ME1: variants seen among roughly 807,000 people sequenced by gnomAD.
ME1 encodes NADP-dependent malic enzyme.
A neutral mutation model predicts 66.4 loss-of-function variants in ME1; 74 were observed. That is an observed-to-expected ratio of 1.11 (90% CI 0.92 to 1.35). The LOEUF (loss-of-function observed/expected upper bound fraction) is 1.35, where lower values mean the gene tolerates loss of function less well. Among genes scored for constraint, ME1 ranks in the 40% most tolerant of loss-of-function variants. The pLI is 0.00. For synonymous variants in ME1, 251 were observed against 235.6 expected (o/e 1.07, Z -0.60); for missense variants, 750 against 694.1 (o/e 1.08, Z -0.90).
chr6:83,415,288 C>T (rs966651552), intron 1 of ME1, among the ~76,000 whole-genome samples: 7 of 152,122 alleles, frequency 4.6e-5, no homozygotes, highest in Non-Finnish European at 1.0e-4. Flanking sequence ...AATTTACACA[C>T]GAAGTTGCAA....
At chr6:83,406,836 A>G (rs10806258) in intron 2 of ME1, among the ~76,000 whole-genome samples, 71,006 of 151,962 alleles carry the variant, frequency 0.47, 18,432 homozygotes, top group African/African-American at 0.69. Context: ...TTTTGCCAGC[A>G]CACTGCCTTT....
intron 6 of ME1, among the ~76,000 whole-genome samples, chr6:83,300,610 CT>C (rs35205380): frequency 0.023 from 1,993 of 84,924 alleles, 13 homozygotes; most frequent in African/African-American, 0.071. Flanking sequence ...TTCTTTCTTT[CT>C]TTTTTTTTTT....
Position 83,234,965 on chromosome 6 carries a change from T to C in ME1, c.1026+2752A>G, listed in dbSNP as rs111701835. Reference sequence around the variant, plus strand: ...TTGTTGTCAGGCATGTACTACACACTGTATAGAACTTTGAAGATCTAAAGA... The same window carrying C: ...TTGTTGTCAGGCATGTACTACACACCGTATAGAACTTTGAAGATCTAAAGA... On this transcript the variant is annotated intron_variant, in intron 9 of 13. Transcript: ENST00000369705. 8.9e-3 allele frequency among the ~76,000 whole-genome samples: 1,360 copies of C among 152,352 alleles called. 28 individuals carry two copies. Among genetic ancestry groups the C allele is most frequent in the African/African-American group, 0.031 (1,285 of 41,568 alleles).
In ME1 at chr6:83,365,700, T is replaced by C. The variant is rs539002102; in HGVS notation, c.363-13561A>G. ...GATTCTTCACAAGAGCTACTTCATA[T>C]TTCCCCTGTCCCTCACTCCCACCCC... On this transcript the variant is annotated intron_variant, in intron 3 of 13. Transcript: ENST00000369705. Among the ~76,000 whole-genome samples, 8 of 152,278 alleles carry C rather than the reference T, an allele frequency of 5.3e-5. No individual in the cohort carries two copies. The South Asian group carries it at 1.7e-3, about 32-fold the overall frequency.
At chr6:83,260,720 T>G (rs1297393653) in intron 6 of ME1, among the ~76,000 whole-genome samples, 1 of 152,208 alleles carries the variant, frequency 6.6e-6, no homozygotes, top group African/African-American at 2.4e-5. Flanking sequence ...GTTCTTGCAT[T>G]AGTTTGCTAG....
At chr6:83,267,823 T>C (rs1767014167) in intron 6 of ME1, among the ~76,000 whole-genome samples, 1 of 152,210 alleles carries the variant, frequency 6.6e-6, no homozygotes. Flanking sequence ...GTATATGTGA[T>C]ATCCATTGAC....
intron 12 of ME1, 117 bp from the exon 13 acceptor site, chr6:83,216,713 T>A: frequency 1.7e-6 from 1 of 603,360 alleles, no homozygotes; most frequent in Non-Finnish European, 2.8e-6. Flanking sequence ...CCAGTGACAT[T>A]AATATGATTA....
At chr6:83,406,460 G>C (rs1318270564) in intron 2 of ME1, among the ~76,000 whole-genome samples, 8 of 152,134 alleles carry the variant, frequency 5.3e-5, no homozygotes, top group Admixed American at 3.3e-4. Context: ...ATCTGATCCT[G>C]GGTTTTTTTC....
At chr6:83,216,626 T>G in intron 12 of ME1, 30 bp from the exon 13 acceptor site, 1 of 1,462,408 alleles carries the variant, frequency 6.8e-7, no homozygotes, top group Non-Finnish European at 9.4e-7. Context: ...AAAAAAGTGT[T>G]TATACTTCAC....
At chr6:83,217,481 G>A (rs1790015199) in intron 12 of ME1, among the ~76,000 whole-genome samples, 1 of 152,094 alleles carries the variant, frequency 6.6e-6, no homozygotes, top group Admixed American at 6.6e-5. Flanking sequence ...CACTGAACAA[G>A]CATAACACTA....
chr6:83,430,007 T>G (rs1770452821), intron 1 of ME1, among the ~76,000 whole-genome samples: 1 of 151,954 alleles, frequency 6.6e-6, no homozygotes. Context: ...AATTCGGAGG[T>G]ATTTTTTATT....
chr6:83,326,442 A>G (rs1370193984), intron 5 of ME1, among the ~76,000 whole-genome samples: 1 of 152,186 alleles, frequency 6.6e-6, no homozygotes, highest in African/African-American at 2.4e-5. Context: ...CTATCATCTG[A>G]GTGAACAGGC....
chr6:83,399,039 G>A (rs559983939), intron 2 of ME1, among the ~76,000 whole-genome samples: 7 of 152,132 alleles, frequency 4.6e-5, no homozygotes, highest in Middle Eastern at 3.4e-3. Context: ...TGTCGCCCAG[G>A]CTGGAGTGCA....
intron 3 of ME1, among the ~76,000 whole-genome samples, chr6:83,381,700 T>TA (rs1769402912): frequency 6.6e-6 from 1 of 152,120 alleles, no homozygotes; most frequent in Non-Finnish European, 1.5e-5. Flanking sequence ...GCTCCATATC[T>TA]TAAGAGGATC....
rs190873819 is a variant in ME1 at position 83,256,180 on chromosome 6, T to G, written c.705-2442A>C. On this transcript the variant is annotated intron_variant, in intron 6 of 13. Transcript: ENST00000369705. ...TGATTTCCTATCAGAAAAATGAGAA[T>G]AGTAACAGCCTATTACCATAAGGCT... is the stretch of plus-strand genomic sequence containing the variant. Among the ~76,000 whole-genome samples the G allele has an allele frequency of 1.3e-3, 194 of 152,216 alleles. 1 individual carries two copies. Among genetic ancestry groups the G allele is most frequent in the African/African-American group, 4.5e-3 (189 of 41,542 alleles).
intron 3 of ME1, among the ~76,000 whole-genome samples, chr6:83,394,858 A>G (rs544294572): frequency 2.9e-4 from 44 of 152,334 alleles, no homozygotes; most frequent in African/African-American, 1.0e-3. Context: ...AAGTAGTGCT[A>G]GAAAAATTGT....
intron 6 of ME1, among the ~76,000 whole-genome samples, chr6:83,258,055 T>C (rs536422988): frequency 4.6e-5 from 7 of 152,294 alleles, no homozygotes; most frequent in African/African-American, 9.6e-5. Flanking sequence ...AATTTCTCTG[T>C]GGTTAAAATG....
intron 3 of ME1, among the ~76,000 whole-genome samples, chr6:83,397,554 A>G (rs1769759892): frequency 6.6e-6 from 1 of 152,228 alleles, no homozygotes; most frequent in African/African-American, 2.4e-5. Flanking sequence ...CTATTATGGA[A>G]AACAGTATGG....
chr6:83,281,880 AG>A (rs1398977073), intron 6 of ME1, among the ~76,000 whole-genome samples: 2 of 149,624 alleles, frequency 1.3e-5, no homozygotes, highest in African/African-American at 4.9e-5. Context: ...AGAAAAAAAC[AG>A]AAAACCAAAC....
Sources: allele counts gnomAD v4.1 joint callset (sites outside exome capture counted in the v4.1 genomes callset), GRCh38; gene constraint gnomAD v4.1.1; transcripts MANE v1.5; gene names NCBI Gene and HGNC (gene_info 2026-07-23, HGNC 2026-07-21).